The following OSBPL6 variants were observed in gnomAD, a reference collection of about 807,000 sequenced individuals.
OSBPL6 encodes the protein oxysterol-binding protein-related protein 6.
In OSBPL6, 49 loss-of-function variants were observed where a neutral mutation model predicts 125.8. The observed-to-expected ratio is 0.39, with a 90% confidence interval of 0.31 to 0.49. The LOEUF (loss-of-function observed/expected upper bound fraction) is 0.49. Among genes scored for constraint, OSBPL6 ranks in the 20% least tolerant of loss-of-function variants. The pLI is 0.88. For missense variants in OSBPL6, 986 were observed against 1,135.4 expected (o/e 0.87, Z 1.89); for synonymous variants, 394 against 391.8 (o/e 1.01, Z -0.07).
At chr2:178,370,688 A>G (rs1403146076) in intron 13 of OSBPL6, among the ~76,000 whole-genome samples, 3 of 152,216 alleles carry the variant, frequency 2.0e-5, no homozygotes, top group African/African-American at 7.2e-5. Flanking sequence ...CGTCAGAGAC[A>G]TACTTCCTCC....
At chr2:178,379,798 A>G (rs1694295237) in intron 15 of OSBPL6, among the ~76,000 whole-genome samples, 1 of 152,202 alleles carries the variant, frequency 6.6e-6, no homozygotes. Flanking sequence ...CAGCGGGAAA[A>G]TATGAATCAG....
chr2:178,228,265 G>A (rs75652817), intron 1 of OSBPL6, among the ~76,000 whole-genome samples: 78,060 of 151,614 alleles, frequency 0.51, 23,180 homozygotes, highest in African/African-American at 0.83. Context: ...GCCGGGCGCG[G>A]TGGCTCATGC....
intron 1 of OSBPL6, among the ~76,000 whole-genome samples, chr2:178,238,166 A>G (rs1367185114): frequency 6.6e-6 from 1 of 152,160 alleles, no homozygotes; most frequent in Non-Finnish European, 1.5e-5. Context: ...TCAGTTACCC[A>G]TGGTCAACCA....
At chr2:178,378,073 C>T (rs1694052969) in intron 15 of OSBPL6, among the ~76,000 whole-genome samples, 1 of 152,220 alleles carries the variant, frequency 6.6e-6, no homozygotes, top group African/African-American at 2.4e-5. Flanking sequence ...AAGTGATTCG[C>T]CTGCCTCAGC....
intron 2 of OSBPL6, among the ~76,000 whole-genome samples, chr2:178,300,135 T>G (rs546472193): frequency 3.0e-4 from 46 of 152,192 alleles, no homozygotes; most frequent in South Asian, 1.0e-3. Context: ...TCTAGCCAAG[T>G]TTTGATTATG....
chr2:178,334,970 A>G (rs1300674932), intron 8 of OSBPL6, among the ~76,000 whole-genome samples: 1 of 152,216 alleles, frequency 6.6e-6, no homozygotes, highest in African/African-American at 2.4e-5. Flanking sequence ...GGCATCAGGA[A>G]GGTTGGGAAC....
chr2:178,391,567 G>A (rs926384299), intron 22 of OSBPL6, among the ~76,000 whole-genome samples: 50 of 152,146 alleles, frequency 3.3e-4, no homozygotes, highest in Admixed American at 3.2e-3. Flanking sequence ...CCTTACTCAT[G>A]TTATTTATTC....
intron 2 of OSBPL6, among the ~76,000 whole-genome samples, chr2:178,302,978 C>G (rs1686435335): frequency 6.6e-6 from 1 of 152,174 alleles, no homozygotes; most frequent in Admixed American, 6.5e-5. Flanking sequence ...GAGTCAGTAT[C>G]TACTTGTAAA....
At chr2:178,298,702 T>TG (rs1685986661) in intron 2 of OSBPL6, among the ~76,000 whole-genome samples, 1 of 147,176 alleles carries the variant, frequency 6.8e-6, no homozygotes, top group African/African-American at 2.6e-5. Context: ...TTGCTTTTTT[T>TG]TTTGTTTTTT....
chr2:178,366,389 A>G (rs1263861728), intron 13 of OSBPL6, among the ~76,000 whole-genome samples: 1 of 152,254 alleles, frequency 6.6e-6, no homozygotes, highest in African/African-American at 2.4e-5. Context: ...TGTTAAACGC[A>G]GTGAGAGTTG....
chr2:178,324,545 G>A (rs1311521370), intron 4 of OSBPL6, among the ~76,000 whole-genome samples: 1 of 152,144 alleles, frequency 6.6e-6, no homozygotes, highest in Non-Finnish European at 1.5e-5. Flanking sequence ...TGCCTTCCCT[G>A]TTGGAGATAA....
intron 11 of OSBPL6, among the ~76,000 whole-genome samples, chr2:178,348,688 C>G (rs1690953837): frequency 6.6e-6 from 1 of 152,114 alleles, no homozygotes; most frequent in Non-Finnish European, 1.5e-5. Flanking sequence ...TTTAATAAGT[C>G]AGTTTCCAAA....
rs1685998879 is a variant in OSBPL6 at position 178,298,736 on chromosome 2, C to T, written c.-155-7294C>T. ...TTTTTTTTTGCCGTACTGTTCTCCA[C>T]AGGACCTACATCATTTTCTATTCCC... On this transcript the variant is annotated intron_variant, in intron 2 of 24. Coordinates refer to ENST00000190611, the MANE Select transcript of OSBPL6 (RefSeq NM_032523.4). 2.7e-5 allele frequency among the ~76,000 whole-genome samples: 4 copies of T among 148,792 alleles called. 1 individual carries two copies. The South Asian group carries it at 8.5e-4, about 31-fold the overall frequency.
At chr2:178,286,962 G>T (rs1206328541) in intron 2 of OSBPL6, among the ~76,000 whole-genome samples, 5 of 17,978 alleles carry the variant, frequency 2.8e-4, no homozygotes, top group Non-Finnish European at 6.7e-4. Flanking sequence ...GTTGCTAAAT[G>T]AAATTCATGC....
chr2:178,244,212 A>G (rs2091408175), intron 1 of OSBPL6, among the ~76,000 whole-genome samples: 1 of 152,066 alleles, frequency 6.6e-6, no homozygotes, highest in South Asian at 2.1e-4. Flanking sequence ...CTCTGTCTGG[A>G]GTGTCCCCTC....
intron 11 of OSBPL6, among the ~76,000 whole-genome samples, chr2:178,340,155 A>C (rs1414689607): frequency 6.6e-6 from 1 of 152,096 alleles, no homozygotes; most frequent in Non-Finnish European, 1.5e-5. Flanking sequence ...GCTTTGTCCA[A>C]ATGTTTTCTA....
At chr2:178,311,011 G>A (rs1687223674) in intron 3 of OSBPL6, among the ~76,000 whole-genome samples, 1 of 152,128 alleles carries the variant, frequency 6.6e-6, no homozygotes, top group South Asian at 2.1e-4. Flanking sequence ...AGAGCAGTTG[G>A]AGTAGTACCT....
At chr2:178,240,929 C>G (rs1053308404) in intron 1 of OSBPL6, among the ~76,000 whole-genome samples, 3 of 152,090 alleles carry the variant, frequency 2.0e-5, no homozygotes, top group Non-Finnish European at 2.9e-5. Context: ...TCCATCTTAT[C>G]CATTATGTGG....
intron 13 of OSBPL6, 81 bp downstream of exon 13, chr2:178,361,896 C>G (rs1387984048): frequency 1.9e-6 from 3 of 1,549,660 alleles, no homozygotes; most frequent in Admixed American, 3.6e-5. Flanking sequence ...GGGGGGCTGG[C>G]AGGGAGGTGG....
Sources: allele counts gnomAD v4.1 joint callset (sites outside exome capture counted in the v4.1 genomes callset), GRCh38; gene constraint gnomAD v4.1.1; transcripts MANE v1.5; gene names NCBI Gene and HGNC (gene_info 2026-07-23, HGNC 2026-07-21).